The following GJC2 variants were observed in gnomAD, a reference collection of about 807,000 sequenced individuals.
The protein encoded by GJC2 is gap junction gamma-2 protein.
For missense variants in GJC2, 647 were observed against 648.9 expected (o/e 1.00, Z 0.03); for synonymous variants, 336 against 307.5 (o/e 1.09, Z -0.97).
intron 1 of GJC2, among the ~76,000 whole-genome samples, chr1:228,153,327 G>A (rs1353463227): frequency 5.3e-5 from 8 of 151,444 alleles, no homozygotes; most frequent in Admixed American, 4.0e-4. Flanking sequence ...TCAAGGAGAC[G>A]ATGGTGAGTT....
At chr1:228,157,564 C>T (rs1416558004) in intron 1 of GJC2, among the ~76,000 whole-genome samples, 176 bp from the exon 2 acceptor site, 1 of 152,212 alleles carries the variant, frequency 6.6e-6, no homozygotes, top group African/African-American at 2.4e-5. Context: ...CCTGCATCTG[C>T]ACGAGCAGGG....
chr1:228,157,740 G>GGGGC lies in GJC2; in HGVS notation c.-19_-18insGGGC. ...GGCTGACCCCTACCCCGCCCCACAGGACCCGCCCGCCCGCCCCTATGACCA... is the reference window on the plus strand; with the variant it reads ...GGCTGACCCCTACCCCGCCCCACAGGGGGCACCCGCCCGCCCGCCCCTATGACCA... On this transcript the variant is annotated splice_region_variant and 5_prime_UTR_variant, in exon 2 of 2. Transcript: ENST00000366714. The GGGGC allele has an allele frequency of 1.5e-6, 1 of 662,262 alleles. No individual in the cohort carries two copies. Among genetic ancestry groups the GGGGC allele is most frequent in the Non-Finnish European group, 2.6e-6 (1 of 378,506 alleles). The allele number at this position is 662,262 out of a possible 1,614,324, so 41.0% of individuals were successfully genotyped here. A position where few individuals can be genotyped will look rare whatever the true frequency, so the allele number is the denominator to read the frequency against.
At chr1:228,153,487 A>G (rs1031272542) in intron 1 of GJC2, among the ~76,000 whole-genome samples, 22 of 151,464 alleles carry the variant, frequency 1.5e-4, no homozygotes, top group African/African-American at 5.3e-4. Context: ...CCGGGGTTCA[A>G]GCGATTCTCC....
Position 228,158,279 on chromosome 1 carries a change from C to A in GJC2, c.521C>A (p.Ala174Glu). 1 of 1,528,376 alleles carries A rather than the reference C, an allele frequency of 6.5e-7. No individual in the cohort carries two copies. Among genetic ancestry groups the A allele is most frequent in the Non-Finnish European group, 8.8e-7 (1 of 1,139,756 alleles). The allele number at this position is 1,528,376 out of a possible 1,614,324, so 94.7% of individuals were successfully genotyped here. Residue 174 changes from alanine to glutamate, a missense_variant, in exon 2 of 2, where the codon GCG (alanine) becomes GAG (glutamate). Transcript: ENST00000366714. This position sits in a 1 kb window ranked among gnomAD's most constrained non-coding sequence, Gnocchi z 8.3. ...GGCGAGGAAGCGGAGGAGGCAGGCG[C>A]GGAGGAGGCGTGCACTAAGGCGGTC... ...GAGEEAEEAGAEEACTKAVGA... is the reference protein window; with the variant it reads ...GAGEEAEEAGEEEACTKAVGA...
At chr1:228,157,640 G>A in intron 1 of GJC2, 100 bp from the exon 2 acceptor site, 1 of 667,086 alleles carries the variant, frequency 1.5e-6, no homozygotes, top group Non-Finnish European at 2.5e-6. Context: ...GACTGTGTAA[G>A]CAGAGAGGGG....
At position 228,152,682 on chromosome 1, in the gene GJC2, T is replaced by C. The variant is rs1485887882; in HGVS notation, c.-20+2675T>C. ...AGACCGCCCCCACTGTGAAGCCCCC[T>C]TTCACACCCTGGCCTAGTAGCGAGC... On this transcript the variant is annotated intron_variant, in intron 1 of 1. Coordinates refer to ENST00000366714, the MANE Select transcript of GJC2 (RefSeq NM_020435.4). This position sits in a 1 kb window ranked among gnomAD's most constrained non-coding sequence, Gnocchi z 7.3. 6.9e-6 allele frequency among the ~76,000 whole-genome samples: 1 copy of C among 145,108 alleles called. No individual in the cohort carries two copies. The highest frequency in any genetic ancestry group is 1.5e-5 in the Non-Finnish European group (1 of 65,982).
chr1:228,158,721 T>C lies in GJC2; in HGVS notation c.963T>C (p.Pro321=). The C allele has an allele frequency of 7.6e-7, 1 of 1,310,270 alleles. No individual in the cohort carries two copies. Among genetic ancestry groups the C allele is most frequent in the Non-Finnish European group, 9.8e-7 (1 of 1,023,208 alleles). 81.2% of individuals were successfully genotyped at this position (1,310,270 alleles called of 1,614,324 possible). ...CGCGGCCCCCGCCCTGCGCCTTCCC[T>C]GCGGCGGCCGCTGGCTTGGCCTGCC... ...PAPRPPPCAF[P]AAAAGLACPP... is the part of the protein sequence containing the mutation. The change falls in exon 2 of 2, where the codon CCT becomes CCC. Residue 321 remains proline, a synonymous_variant. Transcript: ENST00000366714. The surrounding 1 kb of genome is among the most constrained non-coding windows in gnomAD (Gnocchi z 8.3).
rs543419812 is a variant in GJC2 at position 228,151,186 on chromosome 1, C to T, written c.-20+1179C>T. ...CAACCCCAGGGAGGAGAGGGCTCCA[C>T]GGGGGAGGAGGCACCAGCCTGGATG... On this transcript the variant is annotated intron_variant, in intron 1 of 1. Coordinates refer to ENST00000366714, the MANE Select transcript of GJC2 (RefSeq NM_020435.4). This position sits in a 1 kb window ranked among gnomAD's most constrained non-coding sequence, Gnocchi z 5.4. 2.0e-5 allele frequency among the ~76,000 whole-genome samples: 3 copies of T among 152,200 alleles called. No individual in the cohort carries two copies. Among genetic ancestry groups the T allele is most frequent in the South Asian group, 2.1e-4 (1 of 4,824 alleles).
At chr1:228,157,703 G>C in intron 1 of GJC2, 37 bp from the exon 2 acceptor site, 2 of 1,337,620 alleles carry the variant, frequency 1.5e-6, no homozygotes, top group African/African-American at 1.5e-5. Context: ...GGGCTCCTAA[G>C]TGCAGGCCCC....
chr1:228,155,881 G>C (rs1052535390), intron 1 of GJC2, among the ~76,000 whole-genome samples: 1 of 152,250 alleles, frequency 6.6e-6, no homozygotes, highest in African/African-American at 2.4e-5. Flanking sequence ...CGCCATTACT[G>C]CAGGCTGCCC....
Position 228,159,200 on chromosome 1 carries a change from G to A in GJC2, c.*122G>A, listed in dbSNP as rs2034738175. ...GGCCTCAGGCAGACTCTGCCCAGAG[G>A]GGCAGCCAGGCTGCTCAGGGAAGGG... is the stretch of plus-strand genomic sequence containing the variant. On this transcript the variant is annotated 3_prime_UTR_variant, in exon 2 of 2. Coordinates refer to ENST00000366714, the MANE Select transcript of GJC2 (RefSeq NM_020435.4). The surrounding 1 kb of genome is among the most constrained non-coding windows in gnomAD (Gnocchi z 4.0). The A allele has an allele frequency of 5.1e-6, 6 of 1,178,194 alleles. No individual in the cohort carries two copies. The South Asian group carries it at 8.6e-5, about 17-fold the overall frequency. 73.0% of individuals were successfully genotyped at this position (1,178,194 alleles called of 1,614,324 possible).
chr1:228,157,995 C>T lies in GJC2; in HGVS notation c.237C>T (p.Phe79=), dbSNP rs956042430. The T allele has an allele frequency of 6.2e-7, 1 of 1,612,170 alleles. No individual in the cohort carries two copies. Among genetic ancestry groups the T allele is most frequent in the Non-Finnish European group, 8.5e-7 (1 of 1,179,752 alleles). The part of the protein sequence containing the change: ...DAFAPLSHVR[F]WVFQIVVIST... ...TCGCGCCCCTGTCGCACGTGCGCTT[C>T]TGGGTCTTCCAGATTGTGGTCATCT... The change falls in exon 2 of 2, where the codon TTC becomes TTT. Residue 79 remains phenylalanine, a synonymous_variant. Coordinates refer to ENST00000366714, the MANE Select transcript of GJC2 (RefSeq NM_020435.4).
rs1432306266 is a variant in GJC2, at chr1:228,150,337, G to A, written c.-20+330G>A. 2.0e-5 allele frequency among the ~76,000 whole-genome samples: 3 copies of A among 152,118 alleles called. No individual in the cohort carries two copies. Among genetic ancestry groups the A allele is most frequent in the Non-Finnish European group, 2.9e-5 (2 of 68,004 alleles). ...TTCAGTACCTCCCCCAGCAGCTGGG[G>A]CCCCTCAGGTAGTGATAGGGCTGGC... On this transcript the variant is annotated intron_variant, in intron 1 of 1. Coordinates refer to ENST00000366714, the MANE Select transcript of GJC2 (RefSeq NM_020435.4). The surrounding 1 kb of genome is among the most constrained non-coding windows in gnomAD (Gnocchi z 4.6).
chr1:228,153,863 G>A (rs1045521806), intron 1 of GJC2, among the ~76,000 whole-genome samples: 2 of 151,858 alleles, frequency 1.3e-5, no homozygotes, highest in African/African-American at 4.8e-5. Flanking sequence ...TTACAGGCAT[G>A]AGCCACCGTG....
intron 1 of GJC2, among the ~76,000 whole-genome samples, chr1:228,154,445 C>T (rs920813108): frequency 2.0e-5 from 3 of 152,198 alleles, no homozygotes; most frequent in Non-Finnish European, 4.4e-5. Flanking sequence ...ACACCATTCA[C>T]GATGCTTGTG....
rs952865882 is a variant in GJC2 at position 228,150,740 on chromosome 1, C to T, written c.-20+733C>T. ...GCGCAGGGAGGCCACAGCCCAGGCG[C>T]GGGGGCCCCCATCCCAGAGCTGGAT... On this transcript the variant is annotated intron_variant, in intron 1 of 1. Transcript: ENST00000366714. The surrounding 1 kb of genome is among the most constrained non-coding windows in gnomAD (Gnocchi z 4.6). 1.3e-5 allele frequency among the ~76,000 whole-genome samples: 2 copies of T among 152,044 alleles called. No individual in the cohort carries two copies. The highest frequency in any genetic ancestry group is 2.4e-5 in the African/African-American group (1 of 41,394).
intron 1 of GJC2, among the ~76,000 whole-genome samples, chr1:228,155,056 G>T (rs551865342): frequency 6.6e-6 from 1 of 152,306 alleles, no homozygotes; most frequent in East Asian, 1.9e-4. Flanking sequence ...CTATGAAACC[G>T]CCCACGTCTC....
Position 228,159,559 on chromosome 1 carries a change from G to A in GJC2, c.*481G>A, listed in dbSNP as rs1331951690. ...CCCAGCCCCAAACTGAGACAGACTG[G>A]GAGCTGGGAGCCTGGGGTGGACAGG... is the stretch of plus-strand genomic sequence containing the variant. On this transcript the variant is annotated 3_prime_UTR_variant, in exon 2 of 2. Coordinates refer to ENST00000366714, the MANE Select transcript of GJC2 (RefSeq NM_020435.4). The surrounding 1 kb of genome is among the most constrained non-coding windows in gnomAD (Gnocchi z 4.0). 2 of 180,456 alleles carry A rather than the reference G, an allele frequency of 1.1e-5. No homozygotes were observed. The highest frequency in any genetic ancestry group is 2.4e-5 in the African/African-American group (1 of 41,572). The allele number at this position is 180,456 out of a possible 1,614,324, so 11.2% of individuals were successfully genotyped here. A position where few individuals can be genotyped will look rare whatever the true frequency, so the allele number is the denominator to read the frequency against.
Position 228,151,559 on chromosome 1 carries a change from A to G in GJC2, c.-20+1552A>G, listed in dbSNP as rs1274140372. Among the ~76,000 whole-genome samples the G allele has an allele frequency of 6.6e-6, 1 of 151,920 alleles. No homozygotes were observed. ...TGAGCCCAGCTCCATGTTGAGCTCG[A>G]GCAGCAGTGTGCATGTGGCAGTGTG... On this transcript the variant is annotated intron_variant, in intron 1 of 1. Transcript: ENST00000366714. This position sits in a 1 kb window ranked among gnomAD's most constrained non-coding sequence, Gnocchi z 5.4.
Sources: gnomAD v4.1 joint callset for allele counts (sites outside exome capture counted in the v4.1 genomes callset) on GRCh38, gnomAD v4.1.1 for gene constraint, Gnocchi (gnomAD v3.1) non-coding constraint, MANE v1.5 for transcripts, NCBI Gene and HGNC (gene_info 2026-07-23, HGNC 2026-07-21) for gene names.